The following PTPRD variants were observed in gnomAD, a reference collection of about 807,000 sequenced individuals.
PTPRD encodes the protein protein tyrosine phosphatase receptor type D, also known as receptor-type tyrosine-protein phosphatase delta.
A neutral mutation model predicts 214.5 loss-of-function variants in PTPRD; 34 were observed. That is an observed-to-expected ratio of 0.16 (90% CI 0.12 to 0.21). PTPRD has a LOEUF of 0.21. PTPRD is among the 10% of genes least tolerant of loss of function. The pLI, the probability that PTPRD is intolerant of heterozygous loss-of-function variation, is 1.00. For missense variants in PTPRD, 2,545 were observed against 2,398.7 expected (o/e 1.06, Z -1.27); for synonymous variants, 1,128 against 845.7 (o/e 1.33, Z -5.79).
intron 39 of PTPRD, among the ~76,000 whole-genome samples, chr9:8,375,131 T>C (rs1361787284): frequency 2.0e-5 from 3 of 152,008 alleles, no homozygotes; most frequent in Non-Finnish European, 2.9e-5. Flanking sequence ...CATGAAATTA[T>C]ATGCACTATA....
chr9:9,335,414 T>G (rs1473992682), intron 9 of PTPRD, among the ~76,000 whole-genome samples: 1 of 152,070 alleles, frequency 6.6e-6, no homozygotes, highest in Non-Finnish European at 1.5e-5. Flanking sequence ...TTACCTTTAT[T>G]GTCATAGAAA....
At chr9:9,857,792 A>G (rs908880300) in intron 5 of PTPRD, among the ~76,000 whole-genome samples, 1 of 152,222 alleles carries the variant, frequency 6.6e-6, no homozygotes, top group Non-Finnish European at 1.5e-5. Context: ...TAAGAAGCTA[A>G]TATGGCTGTG....
At chr9:8,633,534 G>T in intron 13 of PTPRD, 76 bp from the exon 14 acceptor site, 1 of 1,517,050 alleles carries the variant, frequency 6.6e-7, no homozygotes, top group African/African-American at 1.4e-5. Flanking sequence ...CAATACAGTG[G>T]TGGATCCGCC....
At chr9:10,488,942 C>T (rs1194101063) in intron 2 of PTPRD, among the ~76,000 whole-genome samples, 1 of 152,130 alleles carries the variant, frequency 6.6e-6, no homozygotes, top group African/African-American at 2.4e-5. Flanking sequence ...CCGCTTGGTG[C>T]TCTACCCCAC....
Position 8,929,885 on chromosome 9 carries a change from G to GTATATA in PTPRD, c.-104+88811_-104+88812insTATATA, listed in dbSNP as rs1567064549. On this transcript the variant is annotated intron_variant, in intron 11 of 45. Transcript: ENST00000381196. The stretch of plus-strand genomic sequence containing the variant: ...TATATACATGTGTGTGTATATATGT[G>GTATATA]TGTGTATATATATGTGTATATATAT... Among the ~76,000 whole-genome samples, 20 of 57,332 alleles carry GTATATA rather than the reference G, an allele frequency of 3.5e-4. 2 individuals carry two copies. The highest frequency in any genetic ancestry group is 0.011 in the Middle Eastern group (1 of 94). 37.6% of individuals were successfully genotyped at this position (57,332 alleles called of 152,430 possible). A position where few individuals can be genotyped will look rare whatever the true frequency, so the allele number is the denominator to read the frequency against.
chr9:10,016,669 G>C (rs914597992), intron 4 of PTPRD, among the ~76,000 whole-genome samples: 4 of 142,612 alleles, frequency 2.8e-5, no homozygotes, highest in African/African-American at 4.9e-5. Flanking sequence ...GCCTCCTGTG[G>C]GTTGTTTTTT....
rs536916145 is a variant in PTPRD, at chr9:10,033,085, G to A, written c.-472+633C>T. ...TAAATATTTTAAGGAGCATGTAAGT[G>A]TGTGTGTGTATGAGTGTGTTTCTGT... On this transcript the variant is annotated intron_variant, in intron 4 of 45. Transcript: ENST00000381196. Among the ~76,000 whole-genome samples the A allele has an allele frequency of 4.6e-4, 70 of 151,018 alleles. 1 individual carries two copies. The South Asian group carries it at 0.014, about 31-fold the overall frequency.
At chr9:8,558,131 A>G (rs1364159228) in intron 14 of PTPRD, among the ~76,000 whole-genome samples, 1 of 152,240 alleles carries the variant, frequency 6.6e-6, no homozygotes, top group East Asian at 1.9e-4. Context: ...AGAGAGACGG[A>G]CAAAGCAGGC....
At chr9:10,566,582 G>A (rs1159929563) in intron 2 of PTPRD, among the ~76,000 whole-genome samples, 3 of 151,954 alleles carry the variant, frequency 2.0e-5, no homozygotes. Context: ...CTGTATATTA[G>A]TTAATTAGCT....
At chr9:8,792,532 A>T (rs988704023) in intron 11 of PTPRD, among the ~76,000 whole-genome samples, 1 of 152,182 alleles carries the variant, frequency 6.6e-6, no homozygotes, top group Non-Finnish European at 1.5e-5. Flanking sequence ...ATTGGTGCTG[A>T]TGACTGAAAT....
intron 11 of PTPRD, among the ~76,000 whole-genome samples, chr9:8,840,826 T>G (rs1348631897): frequency 1.3e-5 from 2 of 152,194 alleles, no homozygotes; most frequent in Non-Finnish European, 1.5e-5. Context: ...TAGCAAGGTT[T>G]TGGCACCAAT....
intron 10 of PTPRD, among the ~76,000 whole-genome samples, chr9:9,082,114 G>C (rs973162057): frequency 1.1e-4 from 17 of 151,876 alleles, no homozygotes; most frequent in African/African-American, 4.1e-4. Context: ...CATTTTATGA[G>C]GCCAGCATCA....
At chr9:8,757,696 T>A (rs1318862269) in intron 11 of PTPRD, among the ~76,000 whole-genome samples, 2 of 148,346 alleles carry the variant, frequency 1.3e-5, no homozygotes, top group Admixed American at 1.3e-4. Flanking sequence ...ATAAAAACAT[T>A]GAATGTCTTA....
At chr9:10,010,293 T>C (rs191786223) in intron 4 of PTPRD, among the ~76,000 whole-genome samples, 110 of 152,056 alleles carry the variant, frequency 7.2e-4, no homozygotes, top group African/African-American at 2.6e-3. Flanking sequence ...TTCATTTACA[T>C]AGTAATTTTC....
At chr9:9,463,757 A>G (rs1426143620) in intron 8 of PTPRD, among the ~76,000 whole-genome samples, 1 of 152,026 alleles carries the variant, frequency 6.6e-6, no homozygotes, top group African/African-American at 2.4e-5. Context: ...TTTCTGATAG[A>G]GCTGATACTT....
At chr9:9,858,194 C>T (rs1951850) in intron 5 of PTPRD, among the ~76,000 whole-genome samples, 45,009 of 152,042 alleles carry the variant, frequency 0.3, 7,485 homozygotes, top group East Asian at 0.76. Context: ...CATTAAAATA[C>T]GGATTATTTC....
chr9:9,806,377 C>G (rs147766779), intron 5 of PTPRD, among the ~76,000 whole-genome samples: 1 of 152,088 alleles, frequency 6.6e-6, no homozygotes, highest in African/African-American at 2.4e-5. Context: ...TTATGACATT[C>G]CCCCGCCTTT....
intron 3 of PTPRD, among the ~76,000 whole-genome samples, chr9:10,231,989 A>AGAGAGAGTGTGT (rs1245284728): frequency 4.9e-4 from 45 of 92,498 alleles, no homozygotes; most frequent in African/African-American, 1.5e-3. Flanking sequence ...AGAGAGAGAG[A>AGAGAGAGTGTGT]GTGTGTGTGT....
At chr9:10,027,545 C>A (rs1326432855) in intron 4 of PTPRD, among the ~76,000 whole-genome samples, 1 of 152,052 alleles carries the variant, frequency 6.6e-6, no homozygotes, top group Non-Finnish European at 1.5e-5. Context: ...TAAAATATAA[C>A]AGGATAAGAG....
Sources: gnomAD v4.1 joint callset for allele counts (sites outside exome capture counted in the v4.1 genomes callset) on GRCh38, gnomAD v4.1.1 for gene constraint, MANE v1.5 for transcripts, NCBI Gene and HGNC (gene_info 2026-07-23, HGNC 2026-07-21) for gene names.